SEPTIN7: variants seen among roughly 807,000 people sequenced by gnomAD.
The protein encoded by SEPTIN7 is septin 7, also known as septin-7.
A neutral mutation model predicts 63.3 loss-of-function variants in SEPTIN7; 10 were observed. The observed-to-expected ratio is 0.16, with a 90% CI of 0.10 to 0.27. The LOEUF is 0.27. Among genes scored for constraint, SEPTIN7 ranks in the 10% least tolerant of loss-of-function variants. The pLI, the probability that SEPTIN7 is intolerant of heterozygous loss-of-function variation, is 1.00. For missense variants in SEPTIN7, 310 were observed against 521.0 expected, an observed-to-expected ratio of 0.59 and a Z score of 3.94; for synonymous variants, 131 against 165.3, an observed-to-expected ratio of 0.79 and a Z score of 1.59.
Position 35,829,128 on chromosome 7 carries a change from CTTTTTTTTTT to C in SEPTIN7, c.62-2349_62-2340del, listed in dbSNP as rs71553032. Reference sequence around the variant, plus strand: ...CACTTCATTATAGTTCATGGACCTTCTTTTTTTTTTTTTTTTTTTTTTTTGGAGACGGAGT... The same window carrying C: ...CACTTCATTATAGTTCATGGACCTTCTTTTTTTTTTTTTTGGAGACGGAGT... On this transcript the variant is annotated intron_variant, in intron 1 of 13. Transcript: ENST00000350320. 1.5e-4 allele frequency among the ~76,000 whole-genome samples: 9 copies of C among 61,068 alleles called. No individual in the cohort carries two copies. The East Asian group carries it at 2.0e-3, about 14-fold the overall frequency. 40.1% of individuals were successfully genotyped at this position (61,068 alleles called of 152,430 possible).
intron 4 of SEPTIN7, among the ~76,000 whole-genome samples, chr7:35,867,833 G>A (rs1159483931): frequency 6.6e-6 from 1 of 151,280 alleles, no homozygotes; most frequent in African/African-American, 2.4e-5. Flanking sequence ...TGGAAACTAC[G>A]CTGCTCCCCT....
intron 6 of SEPTIN7, among the ~76,000 whole-genome samples, chr7:35,875,796 A>T (rs1208026017): frequency 1.3e-5 from 2 of 151,594 alleles, no homozygotes; most frequent in Non-Finnish European, 1.5e-5. Flanking sequence ...CATACATACA[A>T]AAAAAATTTG....
At chr7:35,894,238 A>T (rs1267226719) in intron 11 of SEPTIN7, among the ~76,000 whole-genome samples, 1 of 150,798 alleles carries the variant, frequency 6.6e-6, no homozygotes, top group Admixed American at 6.6e-5. Context: ...ACTCTTTTTC[A>T]GAACTGATGT....
intron 3 of SEPTIN7, among the ~76,000 whole-genome samples, chr7:35,843,153 A>G (rs1317942581): frequency 6.6e-6 from 1 of 152,142 alleles, no homozygotes; most frequent in Admixed American, 6.5e-5. Flanking sequence ...TTCTTCTCTG[A>G]AAAATATTAG....
intron 3 of SEPTIN7, 139 bp downstream of exon 3, chr7:35,833,039 A>G (rs1445585266): frequency 1.7e-6 from 1 of 579,118 alleles, no homozygotes; most frequent in Non-Finnish European, 3.1e-6. Context: ...ATGTGCATAC[A>G]TTTTAAAATT....
chr7:35,812,224 C>T (rs1043061700), intron 1 of SEPTIN7, among the ~76,000 whole-genome samples: 4 of 151,408 alleles, frequency 2.6e-5, no homozygotes, highest in African/African-American at 9.7e-5. Flanking sequence ...ACTTAGCTGG[C>T]AAGTAGACCC....
intron 11 of SEPTIN7, among the ~76,000 whole-genome samples, chr7:35,895,287 AAAAT>A (rs948839702): frequency 2.0e-5 from 3 of 152,122 alleles, no homozygotes; most frequent in East Asian, 1.9e-4. Context: ...CGATTTTCTA[AAAAT>A]AAAGATGACT....
intron 3 of SEPTIN7, among the ~76,000 whole-genome samples, chr7:35,851,186 G>A (rs1187928381): frequency 6.6e-6 from 1 of 151,994 alleles, no homozygotes; most frequent in Non-Finnish European, 1.5e-5. Flanking sequence ...GAAGGACATG[G>A]GTTATTTTAA....
At chr7:35,880,823 G>T (rs906267273) in intron 7 of SEPTIN7, among the ~76,000 whole-genome samples, 1 of 152,000 alleles carries the variant, frequency 6.6e-6, no homozygotes, top group African/African-American at 2.4e-5. Context: ...CTAGACTCAC[G>T]TCTAGTTGTC....
intron 6 of SEPTIN7, among the ~76,000 whole-genome samples, chr7:35,878,450 A>G (rs1479023328): frequency 6.6e-5 from 10 of 152,282 alleles, no homozygotes; most frequent in East Asian, 5.8e-4. Context: ...TTGAGAATCT[A>G]TGTCTTCACA....
chr7:35,808,148 G>A (rs1296904657), intron 1 of SEPTIN7, among the ~76,000 whole-genome samples: 4 of 151,942 alleles, frequency 2.6e-5, no homozygotes, highest in African/African-American at 9.7e-5. Flanking sequence ...TTTTTAATAG[G>A]TAATATAATC....
chr7:35,802,814 G>C lies in SEPTIN7; in HGVS notation c.61+1544G>C, dbSNP rs12534132. 4.6e-3 allele frequency among the ~76,000 whole-genome samples: 707 copies of C among 152,286 alleles called. 26 individuals are homozygous for C. The highest frequency in any genetic ancestry group is 0.04 in the Admixed American group (614 of 15,296). ...GTAAGGGGTGGTTGGGTGGTGATGG[G>C]GGGGTGGTACGGTCGTGGCGGGAGA... On this transcript the variant is annotated intron_variant, in intron 1 of 13. Transcript: ENST00000350320.
chr7:35,826,069 CA>C (rs1562751167), intron 1 of SEPTIN7, among the ~76,000 whole-genome samples: 1 of 151,958 alleles, frequency 6.6e-6, no homozygotes, highest in East Asian at 1.9e-4. Flanking sequence ...TTTTAGTTTT[CA>C]TATTATATTA....
intron 3 of SEPTIN7, among the ~76,000 whole-genome samples, chr7:35,837,689 CGTG>C (rs1171107868): frequency 2.0e-5 from 3 of 152,058 alleles, no homozygotes; most frequent in Non-Finnish European, 4.4e-5. Flanking sequence ...ATTCCTAAAA[CGTG>C]GTATCTTATT....
intron 1 of SEPTIN7, among the ~76,000 whole-genome samples, chr7:35,805,377 TAAGA>T (rs1788265609): frequency 6.6e-6 from 1 of 152,208 alleles, no homozygotes; most frequent in Non-Finnish European, 1.5e-5. Context: ...GGAAATGGAA[TAAGA>T]AAGATAAACT....
chr7:35,863,443 C>G (rs535336201), intron 3 of SEPTIN7, 109 bp from the exon 4 acceptor site: 269 of 606,808 alleles, frequency 4.4e-4, no homozygotes, highest in Non-Finnish European at 7.0e-4. Flanking sequence ...ATTTCATTGT[C>G]TCACCAAGAA....
chr7:35,868,321 C>T (rs1395540452), intron 4 of SEPTIN7, among the ~76,000 whole-genome samples: 1 of 152,116 alleles, frequency 6.6e-6, no homozygotes, highest in Non-Finnish European at 1.5e-5. Context: ...AGGAGAGTCT[C>T]CTGTTGACAG....
intron 3 of SEPTIN7, chr7:35,838,705 T>C (rs1159196543): frequency 6.6e-6 from 1 of 151,938 alleles, no homozygotes; most frequent in African/African-American, 2.4e-5. Context: ...GTGGTTTACT[T>C]AATGTCTTCT....
chr7:35,805,852 C>T (rs1357117416), intron 1 of SEPTIN7, among the ~76,000 whole-genome samples: 1 of 152,186 alleles, frequency 6.6e-6, no homozygotes, highest in Non-Finnish European at 1.5e-5. Context: ...GAAGTTGTAA[C>T]ATCTTAATTC....
Sources: allele counts gnomAD v4.1 joint callset (sites outside exome capture counted in the v4.1 genomes callset), GRCh38; gene constraint gnomAD v4.1.1; transcripts MANE v1.5; gene names NCBI Gene and HGNC (gene_info 2026-07-23, HGNC 2026-07-21).